TNPO1: variants seen among roughly 807,000 people sequenced by gnomAD.
The protein encoded by TNPO1 is transportin-1.
In TNPO1, 8 loss-of-function variants were observed where a neutral mutation model predicts 119.5. The observed-to-expected ratio is 0.07, with a 90% CI of 0.04 to 0.12. The LOEUF (loss-of-function observed/expected upper bound fraction) is 0.12. Among genes scored for constraint, TNPO1 ranks in the 10% least tolerant of loss-of-function variants. The pLI is 1.00. For synonymous variants in TNPO1, 362 were observed against 363.0 expected (o/e 1.00, Z 0.03); for missense variants, 576 against 1,089.8 (o/e 0.53, Z 6.64).
chr5:72,880,607 G>T (rs1419325040), intron 9 of TNPO1, among the ~76,000 whole-genome samples: 1 of 152,178 alleles, frequency 6.6e-6, no homozygotes, highest in East Asian at 1.9e-4. Context: ...CTGAGGTCTA[G>T]AGTTCAAGAC....
At chr5:72,839,695 C>T (rs1004723841) in intron 1 of TNPO1, among the ~76,000 whole-genome samples, 8 of 152,128 alleles carry the variant, frequency 5.3e-5, no homozygotes, top group African/African-American at 1.9e-4. Context: ...ATTTCTAATA[C>T]AGCTAGAACA....
At chr5:72,848,847 G>T (rs1745316181) in intron 2 of TNPO1, among the ~76,000 whole-genome samples, 1 of 150,676 alleles carries the variant, frequency 6.6e-6, no homozygotes, top group Admixed American at 6.6e-5. Flanking sequence ...TGCCGCGGGG[G>T]TAGGGAGCGG....
At chr5:72,898,443 A>T (rs1749594471) in intron 20 of TNPO1, among the ~76,000 whole-genome samples, 1 of 152,122 alleles carries the variant, frequency 6.6e-6, no homozygotes, top group Admixed American at 6.5e-5. Flanking sequence ...GATGGATTAA[A>T]TTGATATTAT....
rs143055346 is a variant in TNPO1, at chr5:72,859,454, A to G, written c.356-2354A>G. The stretch of plus-strand genomic sequence containing the variant: ...GTTATTTTTGTATTTCTTAGCATCT[A>G]CTAATAATATATACAATATTTAAAT... On this transcript the variant is annotated intron_variant, in intron 4 of 24. Coordinates refer to ENST00000337273, the MANE Select transcript of TNPO1 (RefSeq NM_002270.4). 3.0e-3 allele frequency among the ~76,000 whole-genome samples: 463 copies of G among 152,316 alleles called. 3 individuals carry two copies. The highest frequency in any genetic ancestry group is 4.6e-3 in the Non-Finnish European group (315 of 68,032).
At chr5:72,878,755 T>C (rs1177441588) in intron 9 of TNPO1, 4 of 265,052 alleles carry the variant, frequency 1.5e-5, no homozygotes, top group African/African-American at 2.3e-5. Flanking sequence ...TGAGTTTCTG[T>C]GGGGTCATAT....
chr5:72,818,094 C>A (rs1364545509), intron 1 of TNPO1, among the ~76,000 whole-genome samples: 2 of 152,170 alleles, frequency 1.3e-5, no homozygotes, highest in African/African-American at 4.8e-5. Context: ...CTTGGCAGTA[C>A]GATTTTTACT....
intron 21 of TNPO1, 119 bp from the exon 22 acceptor site, chr5:72,900,855 C>G (rs188904443): frequency 3.6e-6 from 2 of 555,230 alleles, no homozygotes; most frequent in East Asian, 6.9e-5. Flanking sequence ...TTCCGAAAAA[C>G]TCTTTTAATA....
intron 3 of TNPO1, 108 bp downstream of exon 3, chr5:72,851,427 T>C (rs993389101): frequency 5.5e-5 from 38 of 687,212 alleles, no homozygotes; most frequent in Non-Finnish European, 8.2e-5. Flanking sequence ...ACCTTGTGCT[T>C]TATAGATGTG....
At position 72,913,099 on chromosome 5, in the gene TNPO1, T is replaced by C. The variant is rs969892403; in HGVS notation, c.*4426T>C. On this transcript the variant is annotated 3_prime_UTR_variant, in exon 25 of 25. Transcript: ENST00000337273. ...GGCTTGGGATAATTTAAGTGAAAAG[T>C]GAGATCAGTAATGAGCTGTGTTGTT... 19 of 152,518 alleles carry C rather than the reference T, an allele frequency of 1.2e-4. 1 individual carries two copies. Among genetic ancestry groups the C allele is most frequent in the African/African-American group, 4.1e-4 (17 of 41,454 alleles). 9.4% of individuals were successfully genotyped at this position (152,518 alleles called of 1,614,324 possible).
chr5:72,840,558 A>G (rs1744865183), intron 1 of TNPO1, among the ~76,000 whole-genome samples: 1 of 152,180 alleles, frequency 6.6e-6, no homozygotes, highest in African/African-American at 2.4e-5. Flanking sequence ...CGGTTAATAT[A>G]AAATGGAGTT....
intron 3 of TNPO1, among the ~76,000 whole-genome samples, chr5:72,852,127 GA>G (rs1181482270): frequency 1.1e-4 from 16 of 152,088 alleles, no homozygotes; most frequent in Admixed American, 1.0e-3. Flanking sequence ...TCATTCTATT[GA>G]TAAGTAGACT....
At chr5:72,887,608 C>T (rs1431220174) in intron 12 of TNPO1, among the ~76,000 whole-genome samples, 2 of 152,174 alleles carry the variant, frequency 1.3e-5, no homozygotes, top group Non-Finnish European at 1.5e-5. Flanking sequence ...TTGCTTGGAC[C>T]TGGGAAGTGG....
At chr5:72,905,253 C>T in intron 23 of TNPO1, 50 bp from the exon 24 acceptor site, 1 of 1,372,314 alleles carries the variant, frequency 7.3e-7, no homozygotes, top group East Asian at 2.3e-5. Context: ...CTATGCTGAT[C>T]TGAATTTTTC....
chr5:72,878,453 A>C (rs1747982723), intron 9 of TNPO1: 2 of 140,494 alleles, frequency 1.4e-5, no homozygotes, highest in East Asian at 2.0e-4. Context: ...CTGGATAAGC[A>C]AAAAAAAAAA....
chr5:72,906,265 T>G (rs1579948890), intron 24 of TNPO1, among the ~76,000 whole-genome samples: 2 of 7,478 alleles, frequency 2.7e-4, no homozygotes, highest in Non-Finnish European at 9.1e-4. Flanking sequence ...TGCCCATCAC[T>G]TTTTTTTTTC....
chr5:72,855,569 A>G (rs1339587706), intron 3 of TNPO1, among the ~76,000 whole-genome samples: 1 of 152,154 alleles, frequency 6.6e-6, no homozygotes, highest in Non-Finnish European at 1.5e-5. Context: ...CCCTCCAACA[A>G]ATAATTGTCA....
In TNPO1 at chr5:72,875,603, C is replaced by T; in HGVS notation, c.679-12C>T. 1 of 1,607,968 alleles carries T rather than the reference C, an allele frequency of 6.2e-7. No homozygotes were observed. Among genetic ancestry groups the T allele is most frequent in the Non-Finnish European group, 8.5e-7 (1 of 1,175,408 alleles). On this transcript the variant is annotated splice_polypyrimidine_tract_variant and intron_variant, in intron 7 of 24. Transcript: ENST00000337273. ...TTTCTAAAACTAGAAAAAATTATTT[C>T]TTGTGCAACAGAATCTCTTTGCATT...
intron 18 of TNPO1, among the ~76,000 whole-genome samples, chr5:72,895,706 C>T (rs1364043170): frequency 6.6e-6 from 1 of 152,134 alleles, no homozygotes; most frequent in Non-Finnish European, 1.5e-5. Context: ...GGAGACATTT[C>T]CCATATCAAT....
intron 20 of TNPO1, among the ~76,000 whole-genome samples, chr5:72,898,055 T>C (rs982699534): frequency 5.3e-5 from 8 of 152,148 alleles, no homozygotes; most frequent in Non-Finnish European, 8.8e-5. Context: ...ATCTGGCTGT[T>C]TGGCTGTATG....
Sources: allele counts gnomAD v4.1 joint callset (sites outside exome capture counted in the v4.1 genomes callset), GRCh38; gene constraint gnomAD v4.1.1; transcripts MANE v1.5; gene names NCBI Gene and HGNC (gene_info 2026-07-23, HGNC 2026-07-21).